The following RASSF3 variants were observed in gnomAD, a reference collection of about 807,000 sequenced individuals.
RASSF3 encodes the protein ras association domain-containing protein 3.
A neutral mutation model predicts 19.9 loss-of-function variants in RASSF3; 19 were observed. That is an observed-to-expected ratio of 0.96 (90% CI 0.67 to 1.40). RASSF3 has a LOEUF of 1.40. Ranked by LOEUF, RASSF3 falls within the 40% of genes most tolerant of loss-of-function variation. The probability of loss-of-function intolerance (pLI) is 0.00; values close to 1 mark genes in which losing one functional copy is unlikely to be tolerated. For synonymous variants in RASSF3, 110 were observed against 104.2 expected (o/e 1.06, Z -0.34); for missense variants, 306 against 289.8 (o/e 1.06, Z -0.41).
At chr12:64,601,866 C>T (rs1592413878) in intron 2 of RASSF3, among the ~76,000 whole-genome samples, 1 of 151,800 alleles carries the variant, frequency 6.6e-6, no homozygotes, top group African/African-American at 2.4e-5. Context: ...GCCTGTAATC[C>T]CCGCACTTTG....
At chr12:64,593,408 G>T (rs1337030901) in intron 2 of RASSF3, among the ~76,000 whole-genome samples, 1 of 152,108 alleles carries the variant, frequency 6.6e-6, no homozygotes, top group South Asian at 2.1e-4. Context: ...TTTTAGTAGA[G>T]ACAGGGTTTT....
chr12:64,578,366 T>TA (rs1869632023), intron 2 of RASSF3, among the ~76,000 whole-genome samples: 1 of 152,138 alleles, frequency 6.6e-6, no homozygotes, highest in East Asian at 1.9e-4. Context: ...TTTTAAGAGA[T>TA]AATTAGGCCA....
chr12:64,612,134 T>G (rs1204519302), intron 1 of RASSF3, among the ~76,000 whole-genome samples: 1 of 152,112 alleles, frequency 6.6e-6, no homozygotes, highest in Non-Finnish European at 1.5e-5. Flanking sequence ...CGCCCTCTCC[T>G]CCCCCATGCC....
At chr12:64,535,525 A>C (rs1868805531) in intron 1 of RASSF3, among the ~76,000 whole-genome samples, 1 of 151,482 alleles carries the variant, frequency 6.6e-6, no homozygotes, top group South Asian at 2.1e-4. Flanking sequence ...CCACCACATC[A>C]GCTAATTTTT....
chr12:64,565,807 C>G (rs1435483454), intron 2 of RASSF3, among the ~76,000 whole-genome samples: 1 of 151,086 alleles, frequency 6.6e-6, no homozygotes, highest in Admixed American at 6.6e-5. Flanking sequence ...CTGCTTTTAC[C>G]TGGAGGCGGA....
intron 2 of RASSF3, among the ~76,000 whole-genome samples, chr12:64,598,637 C>T (rs7304183): frequency 0.056 from 8,569 of 151,814 alleles, 825 homozygotes; most frequent in African/African-American, 0.2. Context: ...AGGTCTCTTA[C>T]TTGTATTTAT....
At position 64,691,159 on chromosome 12, in the gene RASSF3, GCT is replaced by G. The variant is rs1868273670; in HGVS notation, c.458-308_458-307del. ...TTACAGGCATGAGCCACCATGCCTG[GCT>G]CTTACCTTGTTTTCTAAAAGGAAGA... On this transcript the variant is annotated intron_variant, in intron 3 of 4. Transcript: ENST00000542104. Among the ~76,000 whole-genome samples, 7 of 152,308 alleles carry G rather than the reference GCT, an allele frequency of 4.6e-5. No homozygotes were observed. In the South Asian group the frequency reaches 1.5e-3, roughly 32 times the overall value.
Position 64,613,637 on chromosome 12 carries a change from A to C in RASSF3, c.111+2894A>C, listed in dbSNP as rs1366224695. 3.3e-5 allele frequency among the ~76,000 whole-genome samples: 5 copies of C among 152,142 alleles called. No individual in the cohort carries two copies. In the East Asian group the frequency reaches 9.6e-4, roughly 29 times the overall value. On this transcript the variant is annotated intron_variant, in intron 1 of 4. Coordinates refer to ENST00000542104, the MANE Select transcript of RASSF3 (RefSeq NM_178169.4). ...CTTAACAACAAGAACAACAACAAAA[A>C]TGGAAAAGGGTTAAAAAACCTGTCT...
At chr12:64,581,010 A>T (rs1467687147) in intron 2 of RASSF3, among the ~76,000 whole-genome samples, 1 of 152,044 alleles carries the variant, frequency 6.6e-6, no homozygotes, top group African/African-American at 2.4e-5. Flanking sequence ...ATATATTTAC[A>T]TGTATCTACT....
At chr12:64,623,010 G>A (rs1870839778) in intron 1 of RASSF3, among the ~76,000 whole-genome samples, 1 of 151,618 alleles carries the variant, frequency 6.6e-6, no homozygotes, top group African/African-American at 2.4e-5. Flanking sequence ...TAGTAGAGAC[G>A]GGGTTTCACC....
chr12:64,508,332 T>G (rs1354817698), intron 1 of RASSF3, among the ~76,000 whole-genome samples: 1 of 151,436 alleles, frequency 6.6e-6, no homozygotes, highest in Non-Finnish European at 1.5e-5. Flanking sequence ...CTGGCCAACA[T>G]GGTGAAAACC....
chr12:64,677,831 C>T (rs1872963570), intron 1 of RASSF3, among the ~76,000 whole-genome samples: 1 of 152,110 alleles, frequency 6.6e-6, no homozygotes, highest in African/African-American at 2.4e-5. Context: ...AGTATTTTTC[C>T]CTATTAGTCA....
At chr12:64,665,529 C>T (rs1176685592) in intron 1 of RASSF3, among the ~76,000 whole-genome samples, 1 of 152,074 alleles carries the variant, frequency 6.6e-6, no homozygotes, top group Non-Finnish European at 1.5e-5. Flanking sequence ...CTGGCTGAAA[C>T]AGGGAAGAGG....
chr12:64,510,364 G>A (rs1868321371), intron 1 of RASSF3, among the ~76,000 whole-genome samples: 1 of 152,140 alleles, frequency 6.6e-6, no homozygotes, highest in Non-Finnish European at 1.5e-5. Context: ...CCACCCTTCT[G>A]TGTAGATTAA....
intron 4 of RASSF3, among the ~76,000 whole-genome samples, chr12:64,692,950 G>A (rs568904265): frequency 2.0e-5 from 3 of 152,202 alleles, no homozygotes; most frequent in East Asian, 3.9e-4. Flanking sequence ...TCTGTATGGT[G>A]TTCTTATTTC....
At chr12:64,592,465 G>A (rs942412682) in intron 2 of RASSF3, among the ~76,000 whole-genome samples, 1 of 151,790 alleles carries the variant, frequency 6.6e-6, no homozygotes, top group African/African-American at 2.4e-5. Context: ...TTTTTTTTCA[G>A]TGTGTCTTTG....
At chr12:64,569,054 T>A (rs1565840852) in intron 2 of RASSF3, among the ~76,000 whole-genome samples, 1 of 152,130 alleles carries the variant, frequency 6.6e-6, no homozygotes, top group Non-Finnish European at 1.5e-5. Context: ...AGTAGCCAGG[T>A]CAACTAGGGA....
chr12:64,537,634 G>C lies in RASSF3; in HGVS notation c.68-3947G>C, dbSNP rs141992756. 4.7e-3 allele frequency among the ~76,000 whole-genome samples: 713 copies of C among 152,248 alleles called. 5 individuals carry two copies. Among genetic ancestry groups the C allele is most frequent in the Non-Finnish European group, 7.9e-3 (535 of 68,024 alleles). ...TCTCTGCTCAGTTCCATTGGCATCTGAAGCTTAAACTGCCCAGAACTCAAT... is the reference window on the plus strand; with the variant it reads ...TCTCTGCTCAGTTCCATTGGCATCTCAAGCTTAAACTGCCCAGAACTCAAT... On this transcript the variant is annotated intron_variant, in intron 1 of 1. Coordinates refer to the RASSF3 transcript ENST00000636333.
Position 64,514,927 on chromosome 12 carries a change from G to C in RASSF3, c.169+7598G>C, listed in dbSNP as rs145869574. Reference sequence around the variant, plus strand: ...AATTTGTACTACCTTGTTAGTTATTGTATTTTTTTTAAATTTTTGTTTTCT... The same window carrying C: ...AATTTGTACTACCTTGTTAGTTATTCTATTTTTTTTAAATTTTTGTTTTCT... On this transcript the variant is annotated intron_variant, in intron 1 of 5. Coordinates refer to the RASSF3 transcript ENST00000637125. 2.6e-3 allele frequency among the ~76,000 whole-genome samples: 387 copies of C among 151,718 alleles called. 1 individual carries two copies. Among genetic ancestry groups the C allele is most frequent in the African/African-American group, 8.8e-3 (365 of 41,448 alleles).
Sources: gnomAD v4.1 joint callset for allele counts (sites outside exome capture counted in the v4.1 genomes callset) on GRCh38, gnomAD v4.1.1 for gene constraint, MANE v1.5 for transcripts, NCBI Gene and HGNC (gene_info 2026-07-23, HGNC 2026-07-21) for gene names.